The following RIMBP2 variants were observed in gnomAD, a reference collection of about 807,000 sequenced individuals.
RIMBP2 encodes the protein RIMS binding protein 2.
Under a neutral mutation model 118.6 loss-of-function variants are expected in RIMBP2, and 48 were observed. That is an observed-to-expected ratio of 0.40 (90% confidence interval 0.32 to 0.51). The LOEUF (loss-of-function observed/expected upper bound fraction) is 0.51, where lower values mean the gene tolerates loss of function less well. Among genes scored for constraint, RIMBP2 ranks in the 20% least tolerant of loss-of-function variants. The probability of loss-of-function intolerance (pLI) is 0.41; values close to 1 mark genes in which losing one functional copy is unlikely to be tolerated. For synonymous variants in RIMBP2, 762 were observed against 742.9 expected (o/e 1.03, Z -0.42); for missense variants, 1,551 against 1,768.3 (o/e 0.88, Z 2.20).
At chr12:130,496,628 C>A (rs1358092535) in intron 4 of RIMBP2, among the ~76,000 whole-genome samples, 1 of 151,008 alleles carries the variant, frequency 6.6e-6, no homozygotes, top group African/African-American at 2.4e-5. Flanking sequence ...CCTGAGCCCC[C>A]TTCTATGTCG....
rs547624681 is a variant in RIMBP2, at chr12:130,451,353, A to G, written c.359-13T>C. ...GCGCTCTCCTGACCTGGCCACGAAC[A>G]TTAAAACAAGTTGAAACAAATATGC... On this transcript the variant is annotated splice_polypyrimidine_tract_variant and intron_variant, in intron 7 of 22. Transcript: ENST00000690449. 4 of 1,590,332 alleles carry G rather than the reference A, an allele frequency of 2.5e-6. No individual in the cohort carries two copies. The highest frequency in any genetic ancestry group is 1.3e-5 in the African/African-American group (1 of 74,376).
chr12:130,678,690 G>A (rs1035025721), intron 1 of RIMBP2, among the ~76,000 whole-genome samples: 27 of 152,166 alleles, frequency 1.8e-4, no homozygotes, highest in African/African-American at 6.3e-4. Context: ...GCTAATTTTT[G>A]TATTTTTAGT....
rs145050595 is a variant in RIMBP2 at position 130,607,960 on chromosome 12, T to C, written c.-217+20362A>G. ...GAGGGCCAGGCGCAGAAGGTAGGGG[T>C]TCCCCTGCAAAAGGACCTGCCAGAA... On this transcript the variant is annotated intron_variant, in intron 2 of 22. Coordinates refer to ENST00000690449, the MANE Select transcript of RIMBP2 (RefSeq NM_001393629.1). Among the ~76,000 whole-genome samples the C allele has an allele frequency of 5.9e-3, 888 of 151,712 alleles. 10 individuals are homozygous for C. Among genetic ancestry groups the C allele is most frequent in the African/African-American group, 0.02 (839 of 41,360 alleles).
At chr12:130,659,067 G>GA (rs11432554) in intron 1 of RIMBP2, among the ~76,000 whole-genome samples, 79,051 of 151,466 alleles carry the variant, frequency 0.52, 21,639 homozygotes, top group Non-Finnish European at 0.62. Context: ...CCCCTTTGTG[G>GA]AAAGACTGAA....
chr12:130,444,459 G>A (rs2078366475), intron 10 of RIMBP2, among the ~76,000 whole-genome samples: 1 of 152,196 alleles, frequency 6.6e-6, no homozygotes, highest in Non-Finnish European at 1.5e-5. Context: ...CTTCTGCTCA[G>A]GGGGAAGAGG....
intron 6 of RIMBP2, among the ~76,000 whole-genome samples, chr12:130,468,845 G>T (rs1413246842): frequency 6.6e-6 from 1 of 152,188 alleles, no homozygotes; most frequent in Non-Finnish European, 1.5e-5. Flanking sequence ...TGCTCTCCCA[G>T]CCTGACAGTC....
intron 4 of RIMBP2, among the ~76,000 whole-genome samples, chr12:130,504,022 T>C (rs1440029611): frequency 6.6e-6 from 1 of 152,256 alleles, no homozygotes; most frequent in Admixed American, 6.5e-5. Context: ...AGGTTAAATA[T>C]CACTGTGTGA....
intron 1 of RIMBP2, among the ~76,000 whole-genome samples, chr12:130,636,349 C>T (rs2062347942): frequency 6.6e-6 from 1 of 152,206 alleles, no homozygotes; most frequent in Admixed American, 6.5e-5. Flanking sequence ...GTGGTCCTCA[C>T]AGAACTAGAA....
chr12:130,456,493 T>C lies in RIMBP2; in HGVS notation c.358+3A>G. ...AGCCAAGGCGGAAGGTCCAGGCGCT[T>C]ACCTTTGCCGAGGGAGGTGGCTAGG... On this transcript the variant is annotated splice_donor_region_variant and intron_variant, in intron 7 of 22. Coordinates refer to ENST00000690449, the MANE Select transcript of RIMBP2 (RefSeq NM_001393629.1). 1 of 1,579,704 alleles carries C rather than the reference T, an allele frequency of 6.3e-7. No individual in the cohort carries two copies. The highest frequency in any genetic ancestry group is 8.6e-7 in the Non-Finnish European group (1 of 1,157,610).
chr12:130,567,423 G>A (rs1242614824), intron 2 of RIMBP2, among the ~76,000 whole-genome samples: 4 of 152,106 alleles, frequency 2.6e-5, no homozygotes, highest in Non-Finnish European at 4.4e-5. Flanking sequence ...TTAGGATTGC[G>A]CTCATGTGCA....
chr12:130,414,327 A>C (rs1234790861), intron 17 of RIMBP2, 21 bp from the exon 18 acceptor site: 1 of 1,562,358 alleles, frequency 6.4e-7, no homozygotes, highest in South Asian at 1.2e-5. Flanking sequence ...GTGGGGGTGA[A>C]GAACAGAGCG....
rs2064141397 is a variant in RIMBP2 at position 130,670,329 on chromosome 12, G to A, written c.-351-41873C>T. 6.6e-6 allele frequency among the ~76,000 whole-genome samples: 1 copy of A among 152,166 alleles called. No homozygotes were observed. Among genetic ancestry groups the A allele is most frequent in the Non-Finnish European group, 1.5e-5 (1 of 68,034 alleles). On this transcript the variant is annotated intron_variant, in intron 1 of 22. Coordinates refer to ENST00000690449, the MANE Select transcript of RIMBP2 (RefSeq NM_001393629.1). The surrounding 1 kb of genome is among the most constrained non-coding windows in gnomAD (Gnocchi z 4.9). The stretch of plus-strand genomic sequence containing the variant: ...GATTTCTTACTGATGGACGTTCTAG[G>A]AAGGCATGGAGAAGCGGATCTTCCC...
At chr12:130,544,254 C>T (rs1376225602) in intron 2 of RIMBP2, among the ~76,000 whole-genome samples, 2 of 152,190 alleles carry the variant, frequency 1.3e-5, no homozygotes, top group Non-Finnish European at 2.9e-5. Context: ...TCTGCAATAT[C>T]GCTCTCCTCC....
chr12:130,442,360 A>G lies in RIMBP2; in HGVS notation c.992T>C (p.Ile331Thr). 1 of 1,614,218 alleles carries G rather than the reference A, an allele frequency of 6.2e-7. No individual in the cohort carries two copies. The highest frequency in any genetic ancestry group is 8.5e-7 in the Non-Finnish European group (1 of 1,180,042). ...CACCGCCGGGGGCTCCCAGCCCACAATAACACTTTTGGCGAGTTGTTTGAT... is the reference window on the plus strand; with the variant it reads ...CACCGCCGGGGGCTCCCAGCCCACAGTAACACTTTTGGCGAGTTGTTTGAT... ...TLIKQLAKSV[I>T]VGWEPPAVPP... Residue 331 changes from isoleucine (I) to threonine (T), a missense_variant, in exon 11 of 23, where the codon ATT becomes ACT. Physicochemically the swap from Ile to Thr is moderately conservative, Grantham distance 89. Around this residue, in one of 5 missense-constraint regions of RIMBP2, gnomAD observed 265 missense variants for 349.5 expected, o/e 0.76. Coordinates refer to ENST00000690449, the MANE Select transcript of RIMBP2 (RefSeq NM_001393629.1). This position sits in a 1 kb window ranked among gnomAD's most constrained non-coding sequence, Gnocchi z 6.9.
chr12:130,669,243 G>A (rs75779904), intron 1 of RIMBP2: 3,531 of 152,326 alleles, frequency 0.023, 134 homozygotes, highest in African/African-American at 0.08. Context: ...CAGTGTTCAC[G>A]GCACAGCATG....
At chr12:130,416,254 C>T (rs950964559) in intron 17 of RIMBP2, among the ~76,000 whole-genome samples, 1 of 152,092 alleles carries the variant, frequency 6.6e-6, no homozygotes, top group Non-Finnish European at 1.5e-5. Context: ...CAAAAAAGAG[C>T]CCAAATAGCC....
chr12:130,664,434 T>TCACACAC (rs2063815798), intron 1 of RIMBP2, among the ~76,000 whole-genome samples: 1 of 126,738 alleles, frequency 7.9e-6, no homozygotes, highest in Non-Finnish European at 1.7e-5. Context: ...CACACATGCA[T>TCACACAC]GCACGCACAC....
At chr12:130,477,989 G>A (rs2081587767) in intron 5 of RIMBP2, among the ~76,000 whole-genome samples, 1 of 152,180 alleles carries the variant, frequency 6.6e-6, no homozygotes, top group Non-Finnish European at 1.5e-5. Flanking sequence ...CTGTTCACAG[G>A]TCCCCACCTT....
At chr12:130,473,874 G>C (rs1267426932) in intron 5 of RIMBP2, among the ~76,000 whole-genome samples, 1 of 152,186 alleles carries the variant, frequency 6.6e-6, no homozygotes, top group Non-Finnish European at 1.5e-5. Context: ...CTATGCATCG[G>C]GCGGTGAGCT....
Sources: gnomAD v4.1 joint callset for allele counts (sites outside exome capture counted in the v4.1 genomes callset) on GRCh38, gnomAD v4.1.1 for gene constraint, gnomAD v4.1.1 regional missense constraint, Gnocchi (gnomAD v3.1) non-coding constraint, MANE v1.5 for transcripts, NCBI Gene and HGNC (gene_info 2026-07-23, HGNC 2026-07-21) for gene names.